RORB: variants seen among roughly 807,000 people sequenced by gnomAD.
The protein encoded by RORB is nuclear receptor ROR-beta.
Under a neutral mutation model 59.1 loss-of-function variants are expected in RORB, and 6 were observed. The ratio of observed to expected loss-of-function variants is 0.10; its 90% CI spans 0.06 to 0.20. RORB has a LOEUF of 0.20. RORB is among the 10% of genes least tolerant of loss of function. RORB has a pLI of 1.00. For missense variants in RORB, 320 were observed against 560.5 expected, an observed-to-expected ratio of 0.57 and a Z score of 4.33; for synonymous variants, 215 against 204.5, an observed-to-expected ratio of 1.05 and a Z score of -0.44.
At chr9:74,559,662 A>G (rs946943720) in intron 1 of RORB, among the ~76,000 whole-genome samples, 2 of 152,180 alleles carry the variant, frequency 1.3e-5, no homozygotes, top group African/African-American at 4.8e-5. Context: ...TTGGACTTTA[A>G]AGATCACTCA....
intron 1 of RORB, among the ~76,000 whole-genome samples, chr9:74,503,368 T>C (rs914917561): frequency 7.2e-5 from 11 of 152,072 alleles, no homozygotes; most frequent in Non-Finnish European, 1.3e-4. Flanking sequence ...AATATGTATA[T>C]GTATGTGCCT....
intron 1 of RORB, among the ~76,000 whole-genome samples, chr9:74,624,898 C>T (rs1040887464): frequency 2.6e-5 from 4 of 152,114 alleles, no homozygotes; most frequent in Non-Finnish European, 5.9e-5. Context: ...TTGCACTGCC[C>T]ACTTTTAGCA....
intron 9 of RORB, among the ~76,000 whole-genome samples, chr9:74,681,434 G>A (rs746660877): frequency 1.7e-4 from 26 of 152,136 alleles, no homozygotes; most frequent in Non-Finnish European, 3.7e-4. Flanking sequence ...CAGCCGACTG[G>A]GTGTCTTGCA....
intron 1 of RORB, among the ~76,000 whole-genome samples, chr9:74,580,624 T>C (rs1822707891): frequency 6.6e-6 from 1 of 152,160 alleles, no homozygotes; most frequent in South Asian, 2.1e-4. Context: ...ACTTTTTTTC[T>C]GAAAGGAATT....
At chr9:74,669,479 C>CAA (rs35519349) in intron 8 of RORB, among the ~76,000 whole-genome samples, 12 of 103,408 alleles carry the variant, frequency 1.2e-4, no homozygotes, top group South Asian at 3.8e-4. Flanking sequence ...AACTCTGTCT[C>CAA]AAAAAAAAAA....
At chr9:74,501,816 CT>C (rs1825806996) in intron 1 of RORB, among the ~76,000 whole-genome samples, 3 of 152,098 alleles carry the variant, frequency 2.0e-5, no homozygotes, top group South Asian at 2.1e-4. Flanking sequence ...TCTATATTTT[CT>C]AACAATCACG....
chr9:74,633,597 A>C (rs957168621), intron 2 of RORB, among the ~76,000 whole-genome samples: 1 of 152,194 alleles, frequency 6.6e-6, no homozygotes, highest in African/African-American at 2.4e-5. Flanking sequence ...GAGTCAGTGA[A>C]TGGACGAATG....
chr9:74,572,179 C>G (rs1270171719), intron 1 of RORB, among the ~76,000 whole-genome samples: 1 of 152,060 alleles, frequency 6.6e-6, no homozygotes, highest in African/African-American at 2.4e-5. Flanking sequence ...TTTTAAAATT[C>G]AGACTGCTAA....
chr9:74,553,525 T>G (rs1764790477), intron 1 of RORB, among the ~76,000 whole-genome samples: 1 of 152,064 alleles, frequency 6.6e-6, no homozygotes, highest in Non-Finnish European at 1.5e-5. Flanking sequence ...TATCAAGCAC[T>G]AAGGGTAGTA....
intron 2 of RORB, among the ~76,000 whole-genome samples, chr9:74,630,853 A>C (rs1369507524): frequency 6.6e-6 from 1 of 152,030 alleles, no homozygotes; most frequent in Admixed American, 6.5e-5. Context: ...AAAGAAAAGA[A>C]AACTGGAAGC....
intron 3 of RORB, among the ~76,000 whole-genome samples, chr9:74,634,990 G>T (rs1440945704): frequency 6.6e-6 from 1 of 152,192 alleles, no homozygotes; most frequent in Admixed American, 6.5e-5. Context: ...ATAGCTCAGG[G>T]AGCAACTTGT....
chr9:74,685,297 T>C (rs1045003288), intron 9 of RORB, among the ~76,000 whole-genome samples, 166 bp from the exon 10 acceptor site: 3 of 152,012 alleles, frequency 2.0e-5, no homozygotes, highest in African/African-American at 7.2e-5. Context: ...TACGTTTTAT[T>C]TTGTTTTGTT....
intron 1 of RORB, among the ~76,000 whole-genome samples, chr9:74,585,435 A>G (rs1191020839): frequency 1.3e-5 from 2 of 152,240 alleles, no homozygotes; most frequent in Non-Finnish European, 2.9e-5. Flanking sequence ...CTTTTAATGT[A>G]AGCAGGTGTC....
chr9:74,596,782 C>A (rs1005097356), intron 1 of RORB, among the ~76,000 whole-genome samples: 1 of 152,192 alleles, frequency 6.6e-6, no homozygotes, highest in African/African-American at 2.4e-5. Context: ...ACATGCAGCT[C>A]TCTAAATTTA....
At chr9:74,543,488 G>A (rs79558672) in intron 1 of RORB, among the ~76,000 whole-genome samples, 5,053 of 152,112 alleles carry the variant, frequency 0.033, 127 homozygotes, top group Non-Finnish European at 0.053. Flanking sequence ...CCCATTTTTT[G>A]TTTGTGCCAG....
chr9:74,598,873 A>G (rs546188600), intron 1 of RORB, among the ~76,000 whole-genome samples: 25 of 152,352 alleles, frequency 1.6e-4, no homozygotes, highest in African/African-American at 5.3e-4. Context: ...ATGATGTATC[A>G]TAACAGCAGA....
intron 4 of RORB, among the ~76,000 whole-genome samples, chr9:74,659,780 A>C (rs1396775100): frequency 1.3e-5 from 2 of 152,020 alleles, no homozygotes; most frequent in Non-Finnish European, 2.9e-5. Flanking sequence ...CTCAACTTTC[A>C]TGTCTCCAAA....
intron 1 of RORB, among the ~76,000 whole-genome samples, chr9:74,568,723 GA>G (rs1822505835): frequency 6.8e-6 from 1 of 146,898 alleles, no homozygotes; most frequent in Non-Finnish European, 1.5e-5. Flanking sequence ...AAGAAAAAAA[GA>G]AAATTAACTG....
At chr9:74,538,095 C>G (rs978030380) in intron 1 of RORB, among the ~76,000 whole-genome samples, 5 of 152,062 alleles carry the variant, frequency 3.3e-5, no homozygotes, top group African/African-American at 1.2e-4. Context: ...CAAATATTTA[C>G]TGTTACGTTA....
Sources: allele counts gnomAD v4.1 joint callset (sites outside exome capture counted in the v4.1 genomes callset), GRCh38; gene constraint gnomAD v4.1.1; transcripts MANE v1.5; gene names NCBI Gene and HGNC (gene_info 2026-07-23, HGNC 2026-07-21).